GULP1: variants seen among roughly 807,000 people sequenced by gnomAD.
GULP1 encodes PTB domain-containing engulfment adapter protein 1.
Under a neutral mutation model 40.9 loss-of-function variants are expected in GULP1, and 19 were observed. The ratio of observed to expected loss-of-function variants is 0.46; its 90% confidence interval spans 0.32 to 0.68. The LOEUF (loss-of-function observed/expected upper bound fraction) is 0.68. Among genes scored for constraint, GULP1 ranks in the 30% least tolerant of loss-of-function variants. The pLI, the probability that GULP1 is intolerant of heterozygous loss-of-function variation, is 0.03. For missense variants in GULP1, 312 were observed against 362.2 expected, an observed-to-expected ratio of 0.86 and a Z score of 1.12; for synonymous variants, 119 against 117.6, an observed-to-expected ratio of 1.01 and a Z score of -0.08.
At chr2:188,396,166 CT>C (rs777530210) in intron 2 of GULP1, among the ~76,000 whole-genome samples, 1 of 152,182 alleles carries the variant, frequency 6.6e-6, no homozygotes, top group Non-Finnish European at 1.5e-5. Flanking sequence ...GATTTGTGCT[CT>C]TTTTATGCTA....
chr2:188,534,675 A>C (rs1688461229), intron 6 of GULP1, among the ~76,000 whole-genome samples: 2 of 151,942 alleles, frequency 1.3e-5, no homozygotes, highest in Admixed American at 1.3e-4. Flanking sequence ...ATAAAACAAA[A>C]CAAAACAAAA....
intron 1 of GULP1, among the ~76,000 whole-genome samples, chr2:188,344,663 C>A (rs2043387191): frequency 6.6e-6 from 1 of 152,188 alleles, no homozygotes; most frequent in African/African-American, 2.4e-5. Flanking sequence ...GAGAGCATTT[C>A]TGTGACCACT....
At chr2:188,368,648 A>G (rs185075931) in intron 1 of GULP1, among the ~76,000 whole-genome samples, 4 of 152,004 alleles carry the variant, frequency 2.6e-5, no homozygotes, top group Admixed American at 2.6e-4. Context: ...TTTTCAGTAT[A>G]ACAAAGAAAA....
intron 8 of GULP1, 131 bp downstream of exon 8, chr2:188,569,486 G>A (rs1013796541): frequency 1.6e-5 from 11 of 682,878 alleles, no homozygotes; most frequent in African/African-American, 1.5e-4. Context: ...TGCTTTCACC[G>A]TGTTCCCATA....
chr2:188,318,409 A>G (rs1445449605), intron 1 of GULP1, among the ~76,000 whole-genome samples: 2 of 152,132 alleles, frequency 1.3e-5, no homozygotes, highest in African/African-American at 2.4e-5. Context: ...ATGTCAATAA[A>G]ATTCCCAGAG....
chr2:188,392,860 G>A (rs550804642), intron 2 of GULP1, among the ~76,000 whole-genome samples: 59 of 152,086 alleles, frequency 3.9e-4, no homozygotes, highest in Non-Finnish European at 6.5e-4. Context: ...TCATTCAGGA[G>A]CAGATTGTTT....
At chr2:188,356,900 A>G (rs2045400072) in intron 1 of GULP1, among the ~76,000 whole-genome samples, 3 of 152,134 alleles carry the variant, frequency 2.0e-5, no homozygotes, top group African/African-American at 7.2e-5. Context: ...CCATAAGTAA[A>G]TTCATATATT....
chr2:188,357,119 G>T (rs1458937937), intron 1 of GULP1, among the ~76,000 whole-genome samples: 1 of 152,070 alleles, frequency 6.6e-6, no homozygotes. Flanking sequence ...AGGAAACATA[G>T]GGGAAACACT....
At chr2:188,448,838 G>C (rs999273154) in intron 2 of GULP1, among the ~76,000 whole-genome samples, 8 of 152,070 alleles carry the variant, frequency 5.3e-5, no homozygotes, top group Non-Finnish European at 8.8e-5. Flanking sequence ...AGATGTGGTT[G>C]TTTAAAGTAG....
intron 4 of GULP1, among the ~76,000 whole-genome samples, chr2:188,501,947 C>T (rs1033374043): frequency 6.6e-6 from 1 of 151,904 alleles, no homozygotes; most frequent in Non-Finnish European, 1.5e-5. Flanking sequence ...AACTTGAACA[C>T]TTTTTGTGTT....
chr2:188,497,918 A>G (rs1241499141), intron 4 of GULP1, among the ~76,000 whole-genome samples: 1 of 151,930 alleles, frequency 6.6e-6, no homozygotes, highest in Admixed American at 6.6e-5. Context: ...TTATGAACCA[A>G]CAGCATATGG....
intron 2 of GULP1, among the ~76,000 whole-genome samples, chr2:188,391,794 G>A (rs1213852323): frequency 2.0e-5 from 3 of 152,032 alleles, no homozygotes; most frequent in African/African-American, 7.2e-5. Context: ...TCTATGCCTA[G>A]TTTTTTGAGG....
intron 2 of GULP1, among the ~76,000 whole-genome samples, chr2:188,444,584 T>C (rs960646911): frequency 3.3e-5 from 5 of 152,236 alleles, no homozygotes; most frequent in African/African-American, 1.2e-4. Flanking sequence ...TCCTGAACTT[T>C]GGGTCACTCC....
intron 7 of GULP1, among the ~76,000 whole-genome samples, chr2:188,568,246 G>C (rs1698245242): frequency 6.6e-6 from 1 of 152,228 alleles, no homozygotes; most frequent in African/African-American, 2.4e-5. Context: ...TAGAGTTAAA[G>C]CATAGCATTT....
intron 5 of GULP1, 109 bp downstream of exon 5, chr2:188,522,936 C>G (rs1685216403): frequency 1.5e-6 from 1 of 653,912 alleles, no homozygotes; most frequent in Admixed American, 2.2e-5. Flanking sequence ...TAGCTTCACC[C>G]TATTAAAAAT....
chr2:188,537,078 C>A (rs751616779), intron 6 of GULP1, among the ~76,000 whole-genome samples: 1 of 151,724 alleles, frequency 6.6e-6, no homozygotes. Context: ...GTTGCAGGAG[C>A]CTCTTGGTGG....
chr2:188,317,249 G>T (rs1441541876), intron 1 of GULP1, among the ~76,000 whole-genome samples: 1 of 152,104 alleles, frequency 6.6e-6, no homozygotes, highest in African/African-American at 2.4e-5. Context: ...TTATATGTAT[G>T]CACAGATGTA....
chr2:188,334,590 A>G (rs1040653502), intron 1 of GULP1, among the ~76,000 whole-genome samples: 1 of 152,224 alleles, frequency 6.6e-6, no homozygotes, highest in African/African-American at 2.4e-5. Flanking sequence ...GATGTGTCTG[A>G]GACTCATACC....
intron 1 of GULP1, among the ~76,000 whole-genome samples, chr2:188,365,121 GTTT>G (rs2152401844): frequency 6.6e-6 from 1 of 152,212 alleles, no homozygotes; most frequent in Non-Finnish European, 1.5e-5. Flanking sequence ...TAGAAATAGT[GTTT>G]CCCTGATGAA....
Sources: allele counts gnomAD v4.1 joint callset (sites outside exome capture counted in the v4.1 genomes callset), GRCh38; gene constraint gnomAD v4.1.1; transcripts MANE v1.5; gene names NCBI Gene and HGNC (gene_info 2026-07-23, HGNC 2026-07-21).